Variants in TBC1D5 observed in about 807,000 individuals in gnomAD.
TBC1D5 encodes the protein TBC1 domain family member 5, also known as TBC1 domain family, member 5.
TBC1D5 carries 75 observed loss-of-function variants against 100.3 expected under a neutral mutation model. The ratio of observed to expected loss-of-function variants is 0.75; its 90% CI spans 0.62 to 0.91. The LOEUF is 0.91. TBC1D5 is among the 40% of genes least tolerant of loss of function. TBC1D5 has a pLI of 0.00. For missense variants in TBC1D5, 910 were observed against 942.4 expected, an observed-to-expected ratio of 0.97 and a Z score of 0.45; for synonymous variants, 323 against 325.6, an observed-to-expected ratio of 0.99 and a Z score of 0.09.
rs1575582485 is a variant in TBC1D5, at chr3:17,374,555, A to G, written c.753-15T>C. On this transcript the variant is annotated splice_polypyrimidine_tract_variant and intron_variant, in intron 11 of 21. Transcript: ENST00000253692. Reference sequence around the variant, plus strand: ...AGAACACTGCACTAAAAATAAAATAACACAATGCTATGTAACTTTCATTAA... The same window carrying G: ...AGAACACTGCACTAAAAATAAAATAGCACAATGCTATGTAACTTTCATTAA... 2 of 1,610,708 alleles carry G rather than the reference A, an allele frequency of 1.2e-6. No individual in the cohort carries two copies. The highest frequency in any genetic ancestry group is 1.7e-6 in the Non-Finnish European group (2 of 1,178,546).
chr3:17,440,293 G>A (rs1238731659), intron 3 of TBC1D5, among the ~76,000 whole-genome samples: 1 of 152,122 alleles, frequency 6.6e-6, no homozygotes, highest in Non-Finnish European at 1.5e-5. Flanking sequence ...TTCACGTTAA[G>A]GATTTTGGTC....
At chr3:17,223,517 T>A (rs916355187) in intron 17 of TBC1D5, among the ~76,000 whole-genome samples, 1 of 152,130 alleles carries the variant, frequency 6.6e-6, no homozygotes, top group Non-Finnish European at 1.5e-5. Flanking sequence ...AACACAGTTA[T>A]AAATACCACT....
chr3:17,554,781 A>G (rs1337874903), intron 2 of TBC1D5, among the ~76,000 whole-genome samples: 1 of 152,094 alleles, frequency 6.6e-6, no homozygotes, highest in East Asian at 1.9e-4. Context: ...TGTGTCACTG[A>G]CAGTTTCCTT....
At chr3:17,301,797 T>C (rs2082871002) in intron 14 of TBC1D5, among the ~76,000 whole-genome samples, 1 of 152,108 alleles carries the variant, frequency 6.6e-6, no homozygotes, top group African/African-American at 2.4e-5. Context: ...TTTAGGTAGG[T>C]GGAGCCAGGG....
chr3:17,551,673 T>C (rs2096474904), intron 2 of TBC1D5, among the ~76,000 whole-genome samples: 1 of 152,190 alleles, frequency 6.6e-6, no homozygotes, highest in Admixed American at 6.5e-5. Flanking sequence ...TTCACTGAAC[T>C]TTCTGTCATT....
rs767732049 is a variant in TBC1D5 at position 17,297,875 on chromosome 3, G to A, written c.1139-5874C>T. On this transcript the variant is annotated intron_variant, in intron 14 of 21. Transcript: ENST00000253692. ...AAAGTGCTGGGATTACAGGCATGAT[G>A]AGCCACTACACCTCGCCAAAACAAA... Among the ~76,000 whole-genome samples the A allele has an allele frequency of 1.8e-4, 28 of 151,950 alleles. 1 individual carries two copies. Among genetic ancestry groups the A allele is most frequent in the African/African-American group, 5.8e-4 (24 of 41,430 alleles).
At chr3:17,554,201 G>A (rs962936046) in intron 2 of TBC1D5, among the ~76,000 whole-genome samples, 4 of 152,146 alleles carry the variant, frequency 2.6e-5, no homozygotes, top group African/African-American at 9.7e-5. Context: ...ATCAAGAAGA[G>A]GTTATCAGTC....
chr3:17,443,535 G>A (rs1450325450), intron 3 of TBC1D5, among the ~76,000 whole-genome samples: 1 of 152,144 alleles, frequency 6.6e-6, no homozygotes, highest in African/African-American at 2.4e-5. Context: ...AAGGCTGAGT[G>A]GAGTACTTCC....
At chr3:17,428,858 T>A (rs1177768947) in intron 3 of TBC1D5, among the ~76,000 whole-genome samples, 2 of 151,972 alleles carry the variant, frequency 1.3e-5, no homozygotes, top group Non-Finnish European at 2.9e-5. Flanking sequence ...TGTTAATGAC[T>A]AAGTCACCCA....
rs1009814577 is a variant in TBC1D5 at position 17,162,520 on chromosome 3, G to A, written c.2095-1264C>T. Among the ~76,000 whole-genome samples, 5 of 152,184 alleles carry A rather than the reference G, an allele frequency of 3.3e-5. 1 individual carries two copies. Among genetic ancestry groups the A allele is most frequent in the African/African-American group, 7.2e-5 (3 of 41,446 alleles). ...GGATATTCAGTCAGAGAACATAAAC[G>A]TAATTGGCCTTTAGGATCACAGAGC... On this transcript the variant is annotated intron_variant, in intron 21 of 21. Coordinates refer to ENST00000253692, the Ensembl canonical transcript of TBC1D5.
At chr3:17,494,425 G>C (rs1234824691) in intron 3 of TBC1D5, among the ~76,000 whole-genome samples, 1 of 152,220 alleles carries the variant, frequency 6.6e-6, no homozygotes, top group Non-Finnish European at 1.5e-5. Context: ...GCAACAGTCT[G>C]GCTGCCCCTT....
At chr3:17,254,539 C>T (rs2077460496) in intron 16 of TBC1D5, among the ~76,000 whole-genome samples, 2 of 151,766 alleles carry the variant, frequency 1.3e-5, no homozygotes, top group South Asian at 4.2e-4. Flanking sequence ...GAGTATTTTG[C>T]CTATGTTATA....
At chr3:17,289,084 T>C (rs1226998534) in intron 15 of TBC1D5, among the ~76,000 whole-genome samples, 1 of 152,230 alleles carries the variant, frequency 6.6e-6, no homozygotes, top group Non-Finnish European at 1.5e-5. Context: ...TGTGTTCCCC[T>C]TATCTGGATG....
intron 14 of TBC1D5, among the ~76,000 whole-genome samples, chr3:17,305,196 C>T (rs975191241): frequency 2.0e-5 from 3 of 152,164 alleles, no homozygotes; most frequent in South Asian, 4.2e-4. Context: ...CACTCTTGAC[C>T]TTCTTTTCTC....
In TBC1D5 at chr3:17,236,424, C is replaced by T. The variant is rs140273380; in HGVS notation, c.1588+1739G>A. On this transcript the variant is annotated intron_variant, in intron 17 of 21. Transcript: ENST00000253692. ...ATTTACAATATGCTAATGCTTTGGT[C>T]TCTTTTTTTAAAAAAATGTGTGACA... Among the ~76,000 whole-genome samples the T allele has an allele frequency of 1.7e-3, 261 of 151,996 alleles. 1 individual carries two copies. The highest frequency in any genetic ancestry group is 5.9e-3 in the African/African-American group (243 of 41,448).
At chr3:17,197,228 C>G (rs548390046) in intron 18 of TBC1D5, among the ~76,000 whole-genome samples, 5 of 152,154 alleles carry the variant, frequency 3.3e-5, no homozygotes, top group Non-Finnish European at 4.4e-5. Context: ...ATATTTATTG[C>G]ACTATTTATT....
At chr3:17,684,321 A>C (rs2069942639) in intron 1 of TBC1D5, among the ~76,000 whole-genome samples, 1 of 152,120 alleles carries the variant, frequency 6.6e-6, no homozygotes, top group Admixed American at 6.6e-5. Context: ...TCAATATTTC[A>C]AAATAAGAAA....
At chr3:17,733,871 G>A (rs1057106498) in intron 1 of TBC1D5, among the ~76,000 whole-genome samples, 1 of 151,976 alleles carries the variant, frequency 6.6e-6, no homozygotes, top group African/African-American at 2.4e-5. Context: ...TTCAAAAAGC[G>A]ACTGGTTACA....
At position 17,406,402 on chromosome 3, in the gene TBC1D5, A is replaced by T; in HGVS notation, c.276+16T>A. ...ATATTGCAACCAGAAACTGTAAATA[A>T]ATATTTTCTTCTTACCTTCCAGCAA... is the stretch of plus-strand genomic sequence containing the variant. On this transcript the variant is annotated intron_variant, in intron 5 of 21. Transcript: ENST00000253692. 6.2e-7 allele frequency: 1 copy of T among 1,600,824 alleles called. No homozygotes were observed. The highest frequency in any genetic ancestry group is 8.5e-7 in the Non-Finnish European group (1 of 1,174,782).
Sources: gnomAD v4.1 joint callset for allele counts (sites outside exome capture counted in the v4.1 genomes callset) on GRCh38, gnomAD v4.1.1 for gene constraint, MANE v1.5 for transcripts, NCBI Gene and HGNC (gene_info 2026-07-23, HGNC 2026-07-21) for gene names.